ARID1A: variants seen among roughly 807,000 people sequenced by gnomAD.
The protein encoded by ARID1A is AT-rich interaction domain 1A.
In ARID1A, 20 loss-of-function variants were observed where a neutral mutation model predicts 212.6. The observed-to-expected ratio is 0.09, with a 90% CI of 0.07 to 0.14. The LOEUF (loss-of-function observed/expected upper bound fraction) is 0.14. ARID1A is among the 10% of genes least tolerant of loss of function. ARID1A has a pLI of 1.00. For missense variants in ARID1A, 2,587 were observed against 3,059.0 expected (o/e 0.85, Z 3.64); for synonymous variants, 1,376 against 1,222.1 (o/e 1.13, Z -2.63).
intron 1 of ARID1A, among the ~76,000 whole-genome samples, chr1:26,707,116 C>G (rs2080399759): frequency 6.6e-6 from 1 of 150,874 alleles, no homozygotes; most frequent in African/African-American, 2.4e-5. Context: ...TCACTGCAGT[C>G]TCCGCCTCCT....
chr1:26,780,897 C>T lies in ARID1A; in HGVS notation c.*141C>T. ...TCCAGCTTCTCCCTTGGGAAAAAGT[C>T]TCTCCTGTTTCTCTCTCCTCCTTCC... is the stretch of plus-strand genomic sequence containing the variant. On this transcript the variant is annotated 3_prime_UTR_variant, in exon 20 of 20. Coordinates refer to ENST00000324856, the MANE Select transcript of ARID1A (RefSeq NM_006015.6). This position sits in a 1 kb window ranked among gnomAD's most constrained non-coding sequence, Gnocchi z 7.2. 1 of 1,247,626 alleles carries T rather than the reference C, an allele frequency of 8.0e-7. No homozygotes were observed. Among genetic ancestry groups the T allele is most frequent in the Non-Finnish European group, 1.1e-6 (1 of 919,688 alleles). 77.3% of individuals were successfully genotyped at this position (1,247,626 alleles called of 1,614,324 possible). A position where few individuals can be genotyped will look rare whatever the true frequency, so the allele number is the denominator to read the frequency against.
intron 1 of ARID1A, among the ~76,000 whole-genome samples, chr1:26,726,710 C>T (rs911909987): frequency 1.3e-5 from 2 of 152,224 alleles, no homozygotes; most frequent in African/African-American, 2.4e-5. Flanking sequence ...TCACTGAGCC[C>T]AAGCTCTGTA....
At position 26,771,602 on chromosome 1, in the gene ARID1A, G is replaced by GT. The variant is rs959497022; in HGVS notation, c.3406+276_3406+277insT. ...ACTGGTGAATGGGAGGGGCACAAGA[G>GT]GAGTCGGTGGAACTTATAAATGGCA... On this transcript the variant is annotated intron_variant, in intron 12 of 19. Coordinates refer to ENST00000324856, the MANE Select transcript of ARID1A (RefSeq NM_006015.6). This position sits in a 1 kb window ranked among gnomAD's most constrained non-coding sequence, Gnocchi z 5.4. 4.0e-5 allele frequency: 19 copies of GT among 477,394 alleles called. No homozygotes were observed. The highest frequency in any genetic ancestry group is 2.5e-4 in the African/African-American group (13 of 51,734). 29.6% of individuals were successfully genotyped at this position (477,394 alleles called of 1,614,324 possible). A position where few individuals can be genotyped will look rare whatever the true frequency, so the allele number is the denominator to read the frequency against.
intron 1 of ARID1A, among the ~76,000 whole-genome samples, chr1:26,719,228 A>G (rs954706984): frequency 2.0e-5 from 3 of 152,258 alleles, no homozygotes; most frequent in Non-Finnish European, 4.4e-5. Context: ...AGTCAAGGAT[A>G]CAGATAGCAA....
chr1:26,775,496 A>G, intron 18 of ARID1A, 81 bp from the exon 19 acceptor site: 1 of 1,574,686 alleles, frequency 6.4e-7, no homozygotes, highest in Non-Finnish European at 8.6e-7. Context: ...TCTTCAGAGT[A>G]GCTTCACTGA....
Position 26,771,087 on chromosome 1 carries a change from T to TGG in ARID1A, c.3199-32_3199-31insGG. 1 of 1,608,286 alleles carries TGG rather than the reference T, an allele frequency of 6.2e-7. No homozygotes were observed. Among genetic ancestry groups the TGG allele is most frequent in the Non-Finnish European group, 8.5e-7 (1 of 1,174,764 alleles). ...ATGGGCAGGAAAACCAGGCGGGAGATATACCTCGACTCCTTTGGTTTGGTT... is the reference window on the plus strand; with the variant it reads ...ATGGGCAGGAAAACCAGGCGGGAGATGGATACCTCGACTCCTTTGGTTTGGTT... On this transcript the variant is annotated intron_variant, in intron 11 of 19. Coordinates refer to ENST00000324856, the MANE Select transcript of ARID1A (RefSeq NM_006015.6). This position sits in a 1 kb window ranked among gnomAD's most constrained non-coding sequence, Gnocchi z 5.4.
intron 1 of ARID1A, among the ~76,000 whole-genome samples, chr1:26,708,265 A>G (rs1393959282): frequency 3.2e-5 from 1 of 31,656 alleles, no homozygotes; most frequent in Non-Finnish European, 5.5e-5. Context: ...ACAGTCCTTC[A>G]CTTTTTTTTT....
chr1:26,763,058 G>T lies in ARID1A; in HGVS notation c.2505G>T (p.Met835Ile). The change falls in exon 8 of 20, where the codon ATG becomes ATT. Residue 835 changes from methionine to isoleucine, a missense_variant. Coordinates refer to ENST00000324856, the MANE Select transcript of ARID1A (RefSeq NM_006015.6). ...GCATGGCTGGAGGCATAAACCCCAT[G>T]GGTGCCGGAGGTCAAATGCATGGAC... ...SAGMAGGINP[M>I]GAGGQMHGQP... is the part of the protein sequence containing the mutation. 1 of 1,614,218 alleles carries T rather than the reference G, an allele frequency of 6.2e-7. No individual in the cohort carries two copies. Among genetic ancestry groups the T allele is most frequent in the African/African-American group, 1.3e-5 (1 of 75,060 alleles).
intron 11 of ARID1A, 122 bp from the exon 12 acceptor site, chr1:26,770,997 C>A: frequency 1.2e-6 from 1 of 860,222 alleles, no homozygotes; most frequent in Non-Finnish European, 1.8e-6. Flanking sequence ...TTAACTTTTT[C>A]AATTACCTAA....
intron 4 of ARID1A, among the ~76,000 whole-genome samples, chr1:26,753,416 A>G (rs1328844430): frequency 1.3e-5 from 2 of 152,214 alleles, no homozygotes; most frequent in African/African-American, 4.8e-5. Context: ...GGCTTCCTCT[A>G]TCAGGTCACA....
At chr1:26,761,636 A>G (rs1036794810) in intron 6 of ARID1A, among the ~76,000 whole-genome samples, 163 bp downstream of exon 6, 6 of 152,240 alleles carry the variant, frequency 3.9e-5, no homozygotes, top group African/African-American at 4.8e-5. Context: ...GTACTCATTT[A>G]TGGGGTACAT....
At position 26,774,368 on chromosome 1, in the gene ARID1A, G is replaced by A. The variant is rs2124117205; in HGVS notation, c.4141G>A (p.Ala1381Thr). 1.9e-6 allele frequency: 3 copies of A among 1,563,282 alleles called. No homozygotes were observed. The highest frequency in any genetic ancestry group is 1.7e-4 in the Middle Eastern group (1 of 5,798). The part of the protein sequence containing the change: ...RPMDGTYGPP[A>T]KRHEGEMYSV... Reference sequence around the variant, plus strand: ...AATGGATGGCACATATGGCCCTCCTGCCAAGCGGCACGAAGGGGAGATGTA... The same window carrying A: ...AATGGATGGCACATATGGCCCTCCTACCAAGCGGCACGAAGGGGAGATGTA... The change falls in exon 18 of 20, where the codon GCC (alanine) becomes ACC (threonine). Residue 1381 changes from alanine to threonine, a missense_variant. Coordinates refer to ENST00000324856, the MANE Select transcript of ARID1A (RefSeq NM_006015.6). The surrounding 1 kb of genome is among the most constrained non-coding windows in gnomAD (Gnocchi z 5.6).
Position 26,731,298 on chromosome 1 carries a change from G to C in ARID1A, c.1497G>C (p.Ser499=), listed in dbSNP as rs901983604. ...PPSQTPHAQP[S]YQQQPQSQPP... is the part of the protein sequence containing the mutation. Reference sequence around the variant, plus strand: ...CCCAGACCCCTCATGCCCAACCTTCGTATCAGCAGCAGCCACAGTCTCAAC... The same window carrying C: ...CCCAGACCCCTCATGCCCAACCTTCCTATCAGCAGCAGCCACAGTCTCAAC... The change falls in exon 3 of 20, where the codon TCG becomes TCC. Residue 499 remains serine, a synonymous_variant. Coordinates refer to ENST00000324856, the MANE Select transcript of ARID1A (RefSeq NM_006015.6). 1.2e-6 allele frequency: 2 copies of C among 1,613,410 alleles called. No homozygotes were observed. The highest frequency in any genetic ancestry group is 1.7e-6 in the Non-Finnish European group (2 of 1,179,892).
chr1:26,766,686 C>A, intron 10 of ARID1A, 120 bp downstream of exon 10: 1 of 1,031,630 alleles, frequency 9.7e-7, no homozygotes, highest in Non-Finnish European at 1.4e-6. Context: ...TAGATAGTCT[C>A]TGAAAAAGCT....
At chr1:26,699,913 C>T (rs1053307162) in intron 1 of ARID1A, among the ~76,000 whole-genome samples, 1 of 152,164 alleles carries the variant, frequency 6.6e-6, no homozygotes, top group Non-Finnish European at 1.5e-5. Flanking sequence ...TTATGGAACA[C>T]TTTCTGTGTA....
intron 4 of ARID1A, among the ~76,000 whole-genome samples, chr1:26,733,970 G>A (rs1025832941): frequency 6.6e-6 from 1 of 152,240 alleles, no homozygotes; most frequent in Non-Finnish European, 1.5e-5. Flanking sequence ...GGTCTGCAGA[G>A]TCCCTTAGTA....
intron 1 of ARID1A, among the ~76,000 whole-genome samples, chr1:26,707,692 T>G (rs1440238018): frequency 6.6e-6 from 1 of 152,216 alleles, no homozygotes; most frequent in Non-Finnish European, 1.5e-5. Flanking sequence ...GTACTTATTA[T>G]GTGCTAAGCA....
intron 4 of ARID1A, among the ~76,000 whole-genome samples, chr1:26,754,543 T>C (rs2080912290): frequency 1.3e-5 from 2 of 152,180 alleles, no homozygotes; most frequent in Non-Finnish European, 2.9e-5. Context: ...CTTAGATTTA[T>C]CCAGCCCCCT....
intron 1 of ARID1A, among the ~76,000 whole-genome samples, chr1:26,710,528 C>CACACACACACACACA (rs1553147494): frequency 9.4e-5 from 14 of 148,160 alleles, no homozygotes; most frequent in South Asian, 4.3e-4. Context: ...CACACACACA[C>CACACACACACACACA]CACTTGTTGT....
Sources: allele counts gnomAD v4.1 joint callset (sites outside exome capture counted in the v4.1 genomes callset), GRCh38; gene constraint gnomAD v4.1.1; non-coding constraint Gnocchi (gnomAD v3.1); transcripts MANE v1.5; gene names NCBI Gene and HGNC (gene_info 2026-07-23, HGNC 2026-07-21).